The following DNAH10 variants were observed in gnomAD, a reference collection of about 807,000 sequenced individuals.
DNAH10 encodes the protein dynein axonemal heavy chain 10.
In DNAH10, 348 loss-of-function variants were observed where a neutral mutation model predicts 506.6. The observed-to-expected ratio is 0.69, with a 90% confidence interval of 0.63 to 0.75. The LOEUF (loss-of-function observed/expected upper bound fraction) is 0.75, where lower values mean the gene tolerates loss of function less well. DNAH10 is among the 30% of genes least tolerant of loss of function. The pLI is 0.00. For missense variants in DNAH10, 5,179 were observed against 5,787.1 expected (o/e 0.89, Z 3.41); for synonymous variants, 2,059 against 2,198.6 (o/e 0.94, Z 1.78).
At position 123,813,275 on chromosome 12, in the gene DNAH10, A is replaced by G. The variant is rs149743960; in HGVS notation, c.3256A>G (p.Ile1086Val). 4 of 1,614,090 alleles carry G rather than the reference A, an allele frequency of 2.5e-6. No individual in the cohort carries two copies. The highest frequency in any genetic ancestry group is 2.7e-5 in the African/African-American group (2 of 74,930). ...CAATGATATCTCTCTGAACCCTCAG[A>G]TAATTGAACAAGCTGTTATGATCCC... The part of the protein sequence containing the change: ...FYNDISLNPQ[I>V]IEQAVMIPQN... Residue 1086 changes from isoleucine to valine, a missense_variant, in exon 20 of 79, where the codon ATA becomes GTA. Physicochemically the swap from Ile to Val is conservative, Grantham distance 29. This residue lies in a region of DNAH10 where 4,844 missense variants were observed against 5,430.5 expected (regional missense o/e 0.89). Coordinates refer to ENST00000673944, the MANE Select transcript of DNAH10 (RefSeq NM_001372106.1).
intron 35 of DNAH10, among the ~76,000 whole-genome samples, chr12:123,851,724 T>C (rs1021967525): frequency 5.9e-5 from 9 of 152,220 alleles, no homozygotes; most frequent in African/African-American, 2.2e-4. Flanking sequence ...TTTTATCACA[T>C]GTGGATGGGA....
intron 46 of DNAH10, 86 bp downstream of exon 46, chr12:123,873,796 T>C: frequency 6.9e-7 from 1 of 1,456,834 alleles, no homozygotes; most frequent in Non-Finnish European, 9.1e-7. Context: ...GAAGTGAGTA[T>C]GAGAACATTG....
Position 123,796,814 on chromosome 12 carries a change from C to T in DNAH10, c.2145C>T (p.Asp715=). 1 of 1,611,408 alleles carries T rather than the reference C, an allele frequency of 6.2e-7. No individual in the cohort carries two copies. Among genetic ancestry groups the T allele is most frequent in the Non-Finnish European group, 8.5e-7 (1 of 1,179,256 alleles). The part of the protein sequence containing the change: ...LRFQEVQEIL[D]SDRGQEVKQK... ...TTCAAGAGGTACAAGAGATACTGGA[C>T]AGTGATCGAGGACAGGAGGTATGTT... The change falls in exon 13 of 79, where the codon GAC becomes GAT. Residue 715 remains aspartate, a synonymous_variant. Transcript: ENST00000673944.
intron 55 of DNAH10, among the ~76,000 whole-genome samples, chr12:123,898,373 C>A (rs780051992): frequency 6.6e-6 from 1 of 152,136 alleles, no homozygotes; most frequent in Non-Finnish European, 1.5e-5. Context: ...CCATGCCTGG[C>A]GCACATTAGA....
intron 77 of DNAH10, 109 bp from the exon 78 acceptor site, chr12:123,934,512 A>T (rs779330524): frequency 3.5e-4 from 483 of 1,364,928 alleles, no homozygotes; most frequent in Non-Finnish European, 4.5e-4. Flanking sequence ...TGCGCTGGGG[A>T]GGAGGCCAGC....
Position 123,861,139 on chromosome 12 carries a change from A to G in DNAH10, c.6877A>G (p.Ile2293Val), listed in dbSNP as rs750880966. ...DGVLSNIFRE[I>V]NKPTDKKERK... ...GGTGTTGTCAAACATCTTCAGGGAA[A>G]TCAACAAGCCAACAGACAAGAAGGA... The change falls in exon 39 of 79, where the codon ATC becomes GTC. Residue 2293 changes from isoleucine to valine, a missense_variant. By Grantham distance (29) the Ile-to-Val change is conservative (BLOSUM62 3). Transcript: ENST00000673944. 1.7e-5 allele frequency: 27 copies of G among 1,613,874 alleles called. No individual in the cohort carries two copies. Among genetic ancestry groups the G allele is most frequent in the African/African-American group, 5.3e-5 (4 of 74,912 alleles).
rs755508197 is a variant in DNAH10, at chr12:123,932,071, T to A, written c.13259T>A (p.Val4420Asp). The A allele has an allele frequency of 6.2e-7, 1 of 1,613,958 alleles. No individual in the cohort carries two copies. Among genetic ancestry groups the A allele is most frequent in the Non-Finnish European group, 8.5e-7 (1 of 1,179,872 alleles). Reference protein sequence around the residue: ...DTLKSLGNWMVYFLRRFSQYM... With the variant: ...DTLKSLGNWMDYFLRRFSQYM... ...TTAAAGTCCCTTGGAAACTGGATGG[T>A]CTACTTCCTGCGGCGGTTCAGCCAG... is the stretch of plus-strand genomic sequence containing the variant. The change falls in exon 76 of 79, where the codon GTC becomes GAC. Residue 4420 changes from valine (V) to aspartate (D), a missense_variant. By Grantham distance (152) the Val-to-Asp change is radical (BLOSUM62 -3). This residue lies in a region of DNAH10 where 4,844 missense variants were observed against 5,430.5 expected (regional missense o/e 0.89). Transcript: ENST00000673944.
chr12:123,767,889 A>C (rs1957107261), intron 2 of DNAH10, among the ~76,000 whole-genome samples, 200 bp downstream of exon 2: 1 of 152,192 alleles, frequency 6.6e-6, no homozygotes, highest in African/African-American at 2.4e-5. Context: ...TGGGTGGCTG[A>C]AAACAACACA....
At chr12:123,826,647 G>A (rs1165366965) in intron 24 of DNAH10, 40 bp from the exon 25 acceptor site, 1 of 1,575,556 alleles carries the variant, frequency 6.3e-7, no homozygotes, top group Admixed American at 1.8e-5. Context: ...CATTTCCAAA[G>A]GGGTCTTTGT....
At chr12:123,831,939 A>G (rs1565962052) in intron 26 of DNAH10, among the ~76,000 whole-genome samples, 1 of 151,938 alleles carries the variant, frequency 6.6e-6, no homozygotes, top group African/African-American at 2.4e-5. Flanking sequence ...CGGCCAAAAT[A>G]TGGTCTAATA....
chr12:123,870,357 T>A lies in DNAH10; in HGVS notation c.7520-9T>A. On this transcript the variant is annotated splice_polypyrimidine_tract_variant and intron_variant, in intron 43 of 78. Transcript: ENST00000673944. Reference sequence around the variant, plus strand: ...TGATTCAAGTGAAATCAACCATGATTTCCTGCAGGTCAACTTCCAACCTTG... The same window carrying A: ...TGATTCAAGTGAAATCAACCATGATATCCTGCAGGTCAACTTCCAACCTTG... 6.2e-7 allele frequency: 1 copy of A among 1,611,728 alleles called. No individual in the cohort carries two copies. The highest frequency in any genetic ancestry group is 8.5e-7 in the Non-Finnish European group (1 of 1,179,026).
chr12:123,848,902 C>T lies in DNAH10; in HGVS notation c.6102+20C>T, dbSNP rs371164604. ...TTCCAGGTGAGACACATGAAGCCCC[C>T]GGGACCATGTCCCTAGGATGGAAGT... On this transcript the variant is annotated intron_variant, in intron 34 of 78. Coordinates refer to ENST00000673944, the MANE Select transcript of DNAH10 (RefSeq NM_001372106.1). The T allele has an allele frequency of 3.2e-5, 52 of 1,611,638 alleles. No individual in the cohort carries two copies. The Admixed American group carries it at 4.9e-4, about 15-fold the overall frequency.
Position 123,865,683 on chromosome 12 carries a change from T to A in DNAH10, c.7045-268T>A, listed in dbSNP as rs185976754. Among the ~76,000 whole-genome samples the A allele has an allele frequency of 2.1e-3, 325 of 152,348 alleles. 1 individual carries two copies. The highest frequency in any genetic ancestry group is 7.3e-3 in the African/African-American group (302 of 41,572). On this transcript the variant is annotated intron_variant, in intron 40 of 78. Transcript: ENST00000673944. ...GGATAACTTATTTTCTTCTTTATAT[T>A]TTTCTATTTTTTGTCAGATATTCTA... is the stretch of plus-strand genomic sequence containing the variant.
chr12:123,819,047 T>G lies in DNAH10; in HGVS notation c.3878T>G (p.Ile1293Arg), dbSNP rs909323832. 1 of 1,603,616 alleles carries G rather than the reference T, an allele frequency of 6.2e-7. No homozygotes were observed. Among genetic ancestry groups the G allele is most frequent in the Non-Finnish European group, 8.5e-7 (1 of 1,174,752 alleles). ...SVNVEHALGD[I>R]KRTFTELTRG... ...AATGTGGAGCATGCTCTTGGGGACA[T>G]AAAGAGAACTTTCACAGAGGTACCT... is the stretch of plus-strand genomic sequence containing the variant. Residue 1293 changes from isoleucine to arginine, a missense_variant, in exon 22 of 79, where the codon ATA becomes AGA. Physicochemically the swap from Ile to Arg is moderately conservative, Grantham distance 97. This residue lies in a region of DNAH10 where 4,844 missense variants were observed against 5,430.5 expected (regional missense o/e 0.89). Coordinates refer to ENST00000673944, the MANE Select transcript of DNAH10 (RefSeq NM_001372106.1).
chr12:123,896,109 T>TCACACA (rs1246819591), intron 54 of DNAH10, among the ~76,000 whole-genome samples: 30 of 39,464 alleles, frequency 7.6e-4, no homozygotes, highest in African/African-American at 2.3e-3. Context: ...TGAGACTTTA[T>TCACACA]CTCACACACA....
In DNAH10 at chr12:123,845,774, C is replaced by T; in HGVS notation, c.5535C>T (p.Thr1845=). The part of the protein sequence containing the change: ...RQIDELVTRI[T]MPLSKNDRKK... ...TCGATGAGTTGGTAACGCGCATCAC[C>T]ATGCCGCTAAGCAAAAACGACAGGA... The change falls in exon 31 of 79, where the codon ACC becomes ACT. Residue 1845 remains threonine, a synonymous_variant. Coordinates refer to ENST00000673944, the MANE Select transcript of DNAH10 (RefSeq NM_001372106.1). The T allele has an allele frequency of 6.2e-7, 1 of 1,613,978 alleles. No individual in the cohort carries two copies. Among genetic ancestry groups the T allele is most frequent in the Non-Finnish European group, 8.5e-7 (1 of 1,179,878 alleles).
intron 35 of DNAH10, among the ~76,000 whole-genome samples, chr12:123,852,704 G>T (rs926403022): frequency 6.6e-6 from 1 of 151,992 alleles, no homozygotes; most frequent in African/African-American, 2.4e-5. Context: ...CTCCCAAGTA[G>T]CTGGGATTAT....
intron 39 of DNAH10, among the ~76,000 whole-genome samples, chr12:123,862,231 T>G (rs1201100167): frequency 6.6e-6 from 1 of 152,170 alleles, no homozygotes; most frequent in Non-Finnish European, 1.5e-5. Flanking sequence ...GGGAGATAAC[T>G]TATGACTAAG....
chr12:123,915,528 C>T (rs996620838), intron 62 of DNAH10, among the ~76,000 whole-genome samples: 1 of 148,964 alleles, frequency 6.7e-6, no homozygotes, highest in Admixed American at 6.7e-5. Flanking sequence ...CCAGTCCTTC[C>T]GTTTCTCCCT....
Sources: gnomAD v4.1 joint callset for allele counts (sites outside exome capture counted in the v4.1 genomes callset) on GRCh38, gnomAD v4.1.1 for gene constraint, gnomAD v4.1.1 regional missense constraint, MANE v1.5 for transcripts, NCBI Gene and HGNC (gene_info 2026-07-23, HGNC 2026-07-21) for gene names.